GNA12: variants seen among roughly 807,000 people sequenced by gnomAD.
GNA12 encodes the protein G protein subunit alpha 12, also known as guanine nucleotide-binding protein subunit alpha-12.
GNA12 carries 9 observed loss-of-function variants against 26.0 expected under a neutral mutation model. The ratio of observed to expected loss-of-function variants is 0.35; its 90% CI spans 0.21 to 0.60. The LOEUF (loss-of-function observed/expected upper bound fraction) is 0.60. Ranked by LOEUF, GNA12 falls within the 20% of genes least tolerant of loss-of-function variation. The pLI is 0.78. For synonymous variants in GNA12, 264 were observed against 219.6 expected (o/e 1.20, Z -1.79); for missense variants, 405 against 525.8 (o/e 0.77, Z 2.25).
intron 1 of GNA12, among the ~76,000 whole-genome samples, chr7:2,806,666 A>C (rs1792958240): frequency 6.6e-6 from 1 of 152,178 alleles, no homozygotes; most frequent in Non-Finnish European, 1.5e-5. Context: ...ACATTTTGTA[A>C]CACTTTAAAA....
At chr7:2,815,441 A>G (rs1793196322) in intron 1 of GNA12, among the ~76,000 whole-genome samples, 1 of 152,118 alleles carries the variant, frequency 6.6e-6, no homozygotes, top group Admixed American at 6.5e-5. Context: ...TGTAGGAGAG[A>G]TGACTCAGCG....
At chr7:2,775,465 G>A (rs1792053279) in intron 2 of GNA12, 1 of 152,128 alleles carries the variant, frequency 6.6e-6, no homozygotes, top group African/African-American at 2.4e-5. Flanking sequence ...CTCCATTGCT[G>A]ATCCCTTCTA....
intron 2 of GNA12, among the ~76,000 whole-genome samples, chr7:2,750,181 C>G (rs1312324672): frequency 6.6e-6 from 1 of 152,136 alleles, no homozygotes; most frequent in Non-Finnish European, 1.5e-5. Context: ...AGTCGTCACT[C>G]CCATCCTCAC....
Position 2,788,193 on chromosome 7 carries a change from A to G in GNA12, c.525+6735T>C, listed in dbSNP as rs916313305. Reference sequence around the variant, plus strand: ...TGCCAGCAAAACCAGAGAGCCAAGAATATGTGGAAGCTGCTCCCATGGCCA... The same window carrying G: ...TGCCAGCAAAACCAGAGAGCCAAGAGTATGTGGAAGCTGCTCCCATGGCCA... On this transcript the variant is annotated intron_variant, in intron 2 of 3. Coordinates refer to ENST00000275364, the MANE Select transcript of GNA12 (RefSeq NM_007353.3). 2.0e-5 allele frequency among the ~76,000 whole-genome samples: 3 copies of G among 151,952 alleles called. No individual in the cohort carries two copies. In the East Asian group the frequency reaches 5.8e-4, roughly 29 times the overall value.
chr7:2,752,603 C>T (rs1791093417), intron 2 of GNA12, among the ~76,000 whole-genome samples: 1 of 152,192 alleles, frequency 6.6e-6, no homozygotes, highest in African/African-American at 2.4e-5. Context: ...TCAGCACATT[C>T]ACAAGATAAG....
At chr7:2,746,571 A>G (rs1790772711) in intron 2 of GNA12, among the ~76,000 whole-genome samples, 1 of 151,942 alleles carries the variant, frequency 6.6e-6, no homozygotes, top group Non-Finnish European at 1.5e-5. Flanking sequence ...AAGCAGGAAA[A>G]ATCTAAAATT....
chr7:2,790,404 C>G (rs1583284400), intron 2 of GNA12, among the ~76,000 whole-genome samples: 1 of 152,190 alleles, frequency 6.6e-6, no homozygotes, highest in East Asian at 1.9e-4. Context: ...GCGCGCAACA[C>G]CTTGTCTAAC....
At position 2,843,982 on chromosome 7, in the gene GNA12, G is replaced by A; in HGVS notation, c.180C>T (p.Ile60=). The change falls in exon 1 of 4, where the codon ATC becomes ATT. Residue 60 remains isoleucine (I), a synonymous_variant. Coordinates refer to ENST00000275364, the MANE Select transcript of GNA12 (RefSeq NM_007353.3). ...CGCTCTCGCCCGCGCCCAGCAGCAGGATCTTCACCAGGCGCCGGACCGCGC... is the reference window on the plus strand; with the variant it reads ...CGCTCTCGCCCGCGCCCAGCAGCAGAATCTTCACCAGGCGCCGGACCGCGC... ...ERRAVRRLVK[I]LLLGAGESGK... 5.7e-6 allele frequency: 9 copies of A among 1,584,068 alleles called. No individual in the cohort carries two copies. Among genetic ancestry groups the A allele is most frequent in the Non-Finnish European group, 7.7e-6 (9 of 1,167,386 alleles).
intron 2 of GNA12, among the ~76,000 whole-genome samples, chr7:2,748,833 A>G (rs1790890284): frequency 6.6e-6 from 1 of 152,230 alleles, no homozygotes; most frequent in African/African-American, 2.4e-5. Context: ...AAACAACCCC[A>G]TCAAAAAGTG....
Position 2,731,574 on chromosome 7 carries a change from C to T in GNA12, c.753G>A (p.Met251Ile), listed in dbSNP as rs566672345. 5.6e-6 allele frequency: 9 copies of T among 1,612,778 alleles called. No individual in the cohort carries two copies. The South Asian group carries it at 7.7e-5, about 14-fold the overall frequency. The change falls in exon 4 of 4, where the codon ATG (methionine) becomes ATA (isoleucine). Residue 251 changes from methionine to isoleucine, a missense_variant. Physicochemically the swap from Met to Ile is conservative, Grantham distance 10. Transcript: ENST00000275364. The surrounding 1 kb of genome is among the most constrained non-coding windows in gnomAD (Gnocchi z 6.0). ...CFDGITSILF[M>I]VSSSEYDQVL... ...CCTGGTCGTACTCGCTGGAGGAGAC[C>T]ATGAACAGGATGGACGTGATCCCGT...
At chr7:2,799,484 A>C (rs1274435793) in intron 1 of GNA12, among the ~76,000 whole-genome samples, 4 of 152,168 alleles carry the variant, frequency 2.6e-5, no homozygotes, top group African/African-American at 9.7e-5. Context: ...CAGGAGGCTG[A>C]GGCATGAAGA....
intron 1 of GNA12, among the ~76,000 whole-genome samples, chr7:2,805,785 A>G (rs1212270768): frequency 6.6e-6 from 1 of 152,238 alleles, no homozygotes; most frequent in African/African-American, 2.4e-5. Context: ...TTCAGACACT[A>G]CTTGAGTCTA....
chr7:2,763,057 G>A (rs755061235), intron 2 of GNA12: 38 of 1,245,660 alleles, frequency 3.1e-5, no homozygotes, highest in African/African-American at 4.6e-5. Flanking sequence ...CCTCCAGGAC[G>A]CAGACCGGGG....
chr7:2,786,191 G>T (rs925949124), intron 2 of GNA12, among the ~76,000 whole-genome samples: 1 of 152,182 alleles, frequency 6.6e-6, no homozygotes, highest in African/African-American at 2.4e-5. Context: ...GCTCACCAAT[G>T]CCAGTCTCCT....
At chr7:2,753,845 C>A (rs189970666) in intron 2 of GNA12, among the ~76,000 whole-genome samples, 1 of 152,098 alleles carries the variant, frequency 6.6e-6, no homozygotes, top group African/African-American at 2.4e-5. Context: ...TTCTGGGCAA[C>A]CTCCTCTTCT....
chr7:2,733,401 C>CGT lies in GNA12; in HGVS notation c.576+48_576+49dup, dbSNP rs1554254286. Reference sequence around the variant, plus strand: ...CGTGGACTGCTTTGGTCTCTGGACACGTTTTCTAACCCTGGAGCCCAGCTT... The same window carrying CGT: ...CGTGGACTGCTTTGGTCTCTGGACACGTGTTTTCTAACCCTGGAGCCCAGCTT... On this transcript the variant is annotated intron_variant, in intron 3 of 3. Coordinates refer to ENST00000275364, the MANE Select transcript of GNA12 (RefSeq NM_007353.3). 105 of 1,534,486 alleles carry CGT rather than the reference C, an allele frequency of 6.8e-5. No individual in the cohort carries two copies. In the East Asian group the frequency reaches 2.3e-3, roughly 34 times the overall value.
intron 2 of GNA12, among the ~76,000 whole-genome samples, chr7:2,786,917 T>C (rs1416836242): frequency 6.6e-6 from 1 of 152,194 alleles, no homozygotes; most frequent in Non-Finnish European, 1.5e-5. Context: ...ACATGTCTCC[T>C]GGCAGAGAGC....
chr7:2,762,495 G>C (rs549149006), intron 2 of GNA12: 18 of 816,788 alleles, frequency 2.2e-5, no homozygotes, highest in Admixed American at 1.1e-4. Context: ...GGCCTGAGGT[G>C]TGAGTAGCCT....
chr7:2,754,937 C>G (rs762491947), intron 2 of GNA12, among the ~76,000 whole-genome samples: 3 of 152,226 alleles, frequency 2.0e-5, no homozygotes, highest in Non-Finnish European at 4.4e-5. Context: ...ACACTGAAAT[C>G]TGTAACTCAG....
Sources: allele counts gnomAD v4.1 joint callset (sites outside exome capture counted in the v4.1 genomes callset), GRCh38; gene constraint gnomAD v4.1.1; non-coding constraint Gnocchi (gnomAD v3.1); transcripts MANE v1.5; gene names NCBI Gene and HGNC (gene_info 2026-07-23, HGNC 2026-07-21).